The following WBP11 variants were observed in gnomAD, a reference collection of about 807,000 sequenced individuals.
WBP11 encodes the protein WW domain binding protein 11, also known as WW domain-binding protein 11.
Under a neutral mutation model 66.7 loss-of-function variants are expected in WBP11, and 12 were observed. That is an observed-to-expected ratio of 0.18 (90% CI 0.12 to 0.29). The LOEUF (loss-of-function observed/expected upper bound fraction) is 0.29. Among genes scored for constraint, WBP11 ranks in the 10% least tolerant of loss-of-function variants. The probability of loss-of-function intolerance (pLI) is 1.00; values close to 1 mark genes in which losing one functional copy is unlikely to be tolerated. For synonymous variants in WBP11, 255 were observed against 273.8 expected (o/e 0.93, Z 0.68); for missense variants, 555 against 818.3 (o/e 0.68, Z 3.93).
rs529533953 is a variant in WBP11 at position 14,788,478 on chromosome 12, G to C, written c.1492+473C>G. On this transcript the variant is annotated intron_variant, in intron 11 of 11. Transcript: ENST00000261167. Reference sequence around the variant, plus strand: ...TTATTCTGTGTACCACTGAGAGAGAGAGAGGAAAAAAAGCCCCAGCTGGGG... The same window carrying C: ...TTATTCTGTGTACCACTGAGAGAGACAGAGGAAAAAAAGCCCCAGCTGGGG... Among the ~76,000 whole-genome samples the C allele has an allele frequency of 9.9e-5, 15 of 152,094 alleles. No homozygotes were observed. The South Asian group carries it at 1.7e-3, about 17-fold the overall frequency.
At position 14,787,490 on chromosome 12, in the gene WBP11, G is replaced by A. The variant is rs1021570654; in HGVS notation, c.1501C>T (p.Pro501Ser). 6.6e-7 allele frequency: 1 copy of A among 1,503,862 alleles called. No individual in the cohort carries two copies. The allele number at this position is 1,503,862 out of a possible 1,614,324, so 93.2% of individuals were successfully genotyped here. A position where few individuals can be genotyped will look rare whatever the true frequency, so the allele number is the denominator to read the frequency against. Residue 501 changes from proline (P) to serine (S), a missense_variant, in exon 12 of 12, where the codon CCA becomes TCA. By Grantham distance (74) the Pro-to-Ser change is moderately conservative. Around this residue, in one of 6 missense-constraint regions of WBP11, gnomAD observed 230 missense variants for 286.3 expected, o/e 0.80. Transcript: ENST00000261167. ...GGGCGCATCATGCCAGGACGAGGTG[G>A]AGGAATACCTAAATGAATAAAATAG... ...LPPPAPPGIP[P>S]PRPGMMRPPL...
At position 14,787,437 on chromosome 12, in the gene WBP11, G is replaced by C. The variant is rs1019814994; in HGVS notation, c.1554C>G (p.Ala518=). The change falls in exon 12 of 12, where the codon GCC becomes GCG. Residue 518 remains alanine (A), a synonymous_variant. Coordinates refer to ENST00000261167, the MANE Select transcript of WBP11 (RefSeq NM_016312.3). ...GAGCTGGTGGGAACAGCCCAGGGGG[G>C]GCAGGTCCAAGGGGAGGCACCAAAG... The part of the protein sequence containing the change: ...RPPLVPPLGP[A]PPGLFPPAPL... The C allele has an allele frequency of 1.9e-6, 3 of 1,546,364 alleles. No individual in the cohort carries two copies. Among genetic ancestry groups the C allele is most frequent in the Non-Finnish European group, 1.7e-6 (2 of 1,144,204 alleles).
rs1682323494 is a variant in WBP11, at chr12:14,793,753, G to A, written c.891C>T (p.Asp297=). Residue 297 remains aspartate (D), a synonymous_variant, in exon 8 of 12, where the codon GAC becomes GAT. Transcript: ENST00000261167. ...TACCTGACTTCTTTTCTTCATTGTT[G>A]TCTCTCTCACCATTATCACGGTGCA... is the stretch of plus-strand genomic sequence containing the variant. ...EFVHRDNGER[D]NNEEKKSGLS... 2 of 1,612,992 alleles carry A rather than the reference G, an allele frequency of 1.2e-6. No individual in the cohort carries two copies. The highest frequency in any genetic ancestry group is 8.5e-7 in the Non-Finnish European group (1 of 1,179,622).
chr12:14,799,558 C>A, intron 4 of WBP11, 77 bp downstream of exon 4: 1 of 1,350,978 alleles, frequency 7.4e-7, no homozygotes, highest in Non-Finnish European at 1.0e-6. Flanking sequence ...TTTACTTACG[C>A]CTATGCTGCT....
At chr12:14,799,604 CTG>C (rs1565675153) in intron 4 of WBP11, 29 bp downstream of exon 4, 1 of 1,603,686 alleles carries the variant, frequency 6.2e-7, no homozygotes, top group African/African-American at 1.3e-5. Flanking sequence ...ACGTGTCAGA[CTG>C]TTATAGCTGC....
chr12:14,799,053 G>T (rs1949928751), intron 4 of WBP11, among the ~76,000 whole-genome samples: 1 of 152,156 alleles, frequency 6.6e-6, no homozygotes, highest in African/African-American at 2.4e-5. Context: ...TGTGATTCCA[G>T]TTATAACAAA....
chr12:14,797,004 C>CTT lies in WBP11; in HGVS notation c.191-2_191-1insAA, dbSNP rs765196401. 6 of 1,563,272 alleles carry CTT rather than the reference C, an allele frequency of 3.8e-6. No individual in the cohort carries two copies. Among genetic ancestry groups the CTT allele is most frequent in the Non-Finnish European group, 5.2e-6 (6 of 1,161,304 alleles). ...TGTGGCTGTTGCACTGGGTTAAACTCTAAGAGAAAAAGTAGATTATGGAAT... is the reference window on the plus strand; with the variant it reads ...TGTGGCTGTTGCACTGGGTTAAACTCTTTAAGAGAAAAAGTAGATTATGGAAT... On this transcript the variant is annotated splice_acceptor_variant, in intron 4 of 11. Coordinates refer to ENST00000261167, the MANE Select transcript of WBP11 (RefSeq NM_016312.3). LOFTEE classifies it high-confidence loss of function.
chr12:14,792,013 G>C (rs2137232435), intron 8 of WBP11, among the ~76,000 whole-genome samples: 1 of 152,254 alleles, frequency 6.6e-6, no homozygotes, highest in Non-Finnish European at 1.5e-5. Flanking sequence ...AAGGAAAGGA[G>C]ACTACAAACT....
chr12:14,793,939 G>T lies in WBP11; in HGVS notation c.722-17C>A. 2 of 1,577,472 alleles carry T rather than the reference G, an allele frequency of 1.3e-6. No homozygotes were observed. The highest frequency in any genetic ancestry group is 2.3e-5 in the South Asian group (2 of 86,274). On this transcript the variant is annotated splice_polypyrimidine_tract_variant and intron_variant, in intron 7 of 11. Coordinates refer to ENST00000261167, the MANE Select transcript of WBP11 (RefSeq NM_016312.3). ...CTCGCTGGGCTGAAAAGTGGGAAGG[G>T]AACATGGAGAAGTAGTATGATTGGA...
intron 6 of WBP11, 76 bp downstream of exon 6, chr12:14,794,895 C>CTGCA: frequency 6.2e-7 from 1 of 1,607,268 alleles, no homozygotes; most frequent in Non-Finnish European, 8.5e-7. Context: ...TTATTTCCCT[C>CTGCA]TGCATTAATT....
intron 9 of WBP11, 99 bp from the exon 10 acceptor site, chr12:14,790,848 CA>C (rs1592216889): frequency 1.6e-6 from 2 of 1,237,332 alleles, no homozygotes; most frequent in East Asian, 4.7e-5. Context: ...AATGTGTTCT[CA>C]AAATTAAAAA....
intron 1 of WBP11, 87 bp downstream of exon 1, chr12:14,803,265 G>A: frequency 2.5e-6 from 1 of 395,474 alleles, no homozygotes; most frequent in Non-Finnish European, 4.5e-6. Flanking sequence ...CGGGGCAAAG[G>A]GGCTGGGTGT....
At chr12:14,793,190 ACT>A (rs1949842254) in intron 8 of WBP11, among the ~76,000 whole-genome samples, 1 of 152,174 alleles carries the variant, frequency 6.6e-6, no homozygotes, top group Non-Finnish European at 1.5e-5. Context: ...TGCATTTTCC[ACT>A]GTCAGTACCC....
At chr12:14,800,871 G>A in intron 2 of WBP11, 88 bp from the exon 3 acceptor site, 1 of 1,228,266 alleles carries the variant, frequency 8.1e-7, no homozygotes, top group Non-Finnish European at 1.2e-6. Flanking sequence ...ATTCTTTATT[G>A]TGGAAAGTTA....
Position 14,799,543 on chromosome 12 carries a change from T to A in WBP11, c.190+92A>T, listed in dbSNP as rs542611619. The A allele has an allele frequency of 1.3e-4, 147 of 1,164,784 alleles. 2 individuals are homozygous for A. In the South Asian group the frequency reaches 2.1e-3, roughly 16 times the overall value. 72.2% of individuals were successfully genotyped at this position (1,164,784 alleles called of 1,614,324 possible). A position where few individuals can be genotyped will look rare whatever the true frequency, so the allele number is the denominator to read the frequency against. ...CAAGCATCAAATGCCATCATGCTGTTCTGTTTTACTTACGCCTATGCTGCT... is the reference window on the plus strand; with the variant it reads ...CAAGCATCAAATGCCATCATGCTGTACTGTTTTACTTACGCCTATGCTGCT... On this transcript the variant is annotated intron_variant, in intron 4 of 11. Coordinates refer to ENST00000261167, the MANE Select transcript of WBP11 (RefSeq NM_016312.3).
chr12:14,786,549 C>T lies in WBP11; in HGVS notation c.*516G>A, dbSNP rs1003242510. 3.3e-5 allele frequency: 5 copies of T among 152,316 alleles called. No individual in the cohort carries two copies. The highest frequency in any genetic ancestry group is 4.8e-5 in the African/African-American group (2 of 41,388). The allele number at this position is 152,316 out of a possible 1,614,324, so 9.4% of individuals were successfully genotyped here. A position where few individuals can be genotyped will look rare whatever the true frequency, so the allele number is the denominator to read the frequency against. ...TAGGTCAGTGGGAAATAATTTTAAT[C>T]AAATAATTGTACATATTCTTCCCAC... On this transcript the variant is annotated 3_prime_UTR_variant, in exon 12 of 12. Transcript: ENST00000261167.
In WBP11 at chr12:14,787,000, A is replaced by C; in HGVS notation, c.*65T>G. 6.9e-7 allele frequency: 1 copy of C among 1,440,488 alleles called. No homozygotes were observed. Among genetic ancestry groups the C allele is most frequent in the Non-Finnish European group, 9.3e-7 (1 of 1,074,024 alleles). The allele number at this position is 1,440,488 out of a possible 1,614,324, so 89.2% of individuals were successfully genotyped here. The stretch of plus-strand genomic sequence containing the variant: ...GGAAGCAGCTCTTTCATCTAAGTTT[A>C]ATAAGAGCCTCTTTCTCCATGGGCC... On this transcript the variant is annotated 3_prime_UTR_variant, in exon 12 of 12. Coordinates refer to ENST00000261167, the MANE Select transcript of WBP11 (RefSeq NM_016312.3).
At position 14,785,563 on chromosome 12, in the gene WBP11, T is replaced by C. The variant is rs996981994; in HGVS notation, c.*1502A>G. The C allele has an allele frequency of 2.6e-5, 4 of 152,174 alleles. No homozygotes were observed. The highest frequency in any genetic ancestry group is 9.7e-5 in the African/African-American group (4 of 41,440). The allele number at this position is 152,174 out of a possible 1,614,324, so 9.4% of individuals were successfully genotyped here. On this transcript the variant is annotated 3_prime_UTR_variant, in exon 12 of 12. Transcript: ENST00000261167. ...CGGTCTATTTAGTGCTTTGGCAGGA[T>C]TTGCTTTAATATGAAAGAATAAATC...
Position 14,796,658 on chromosome 12 carries a change from T to C in WBP11, c.387+149A>G. The C allele has an allele frequency of 4.6e-6, 3 of 652,950 alleles. No homozygotes were observed. Among genetic ancestry groups the C allele is most frequent in the Non-Finnish European group, 7.1e-6 (3 of 423,622 alleles). 40.4% of individuals were successfully genotyped at this position (652,950 alleles called of 1,614,324 possible). ...AGACTAGGGTTCCATCCCCAAAATA[T>C]ATGCAAATATACACAAAAACAAAAC... On this transcript the variant is annotated intron_variant, in intron 5 of 11. Coordinates refer to ENST00000261167, the MANE Select transcript of WBP11 (RefSeq NM_016312.3). The surrounding 1 kb of genome is among the most constrained non-coding windows in gnomAD (Gnocchi z 4.5).
Sources: allele counts gnomAD v4.1 joint callset (sites outside exome capture counted in the v4.1 genomes callset), GRCh38; gene constraint gnomAD v4.1.1; regional missense constraint gnomAD v4.1.1; non-coding constraint Gnocchi (gnomAD v3.1); transcripts MANE v1.5; gene names NCBI Gene and HGNC (gene_info 2026-07-23, HGNC 2026-07-21).